Variants in APC observed in about 807,000 individuals in gnomAD.
The protein encoded by APC is APC regulator of Wnt signaling pathway, also known as adenomatous polyposis coli protein.
Under a neutral mutation model 247.0 loss-of-function variants are expected in APC, and 72 were observed. The ratio of observed to expected loss-of-function variants is 0.29; its 90% CI spans 0.24 to 0.35. APC has a LOEUF of 0.35. Ranked by LOEUF, APC falls within the 10% of genes least tolerant of loss-of-function variation. The pLI, the probability that APC is intolerant of heterozygous loss-of-function variation, is 1.00. For synonymous variants in APC, 1,254 were observed against 1,162.5 expected, an observed-to-expected ratio of 1.08 and a Z score of -1.60; for missense variants, 3,400 against 3,360.7, an observed-to-expected ratio of 1.01 and a Z score of -0.29.
chr5:112,769,640 T>C (rs547529575), intron 4 of APC, among the ~76,000 whole-genome samples: 6 of 152,316 alleles, frequency 3.9e-5, no homozygotes, highest in Non-Finnish European at 7.4e-5. Context: ...AAGCTTCATA[T>C]TATCTCTGTG....
chr5:112,778,077 C>T, intron 5 of APC: 1 of 207,854 alleles, frequency 4.8e-6, no homozygotes, highest in Non-Finnish European at 1.0e-5. Flanking sequence ...CACTACACGT[C>T]AGTCTAGTAC....
chr5:112,782,985 G>T (rs1277377123), intron 6 of APC, among the ~76,000 whole-genome samples: 1 of 151,924 alleles, frequency 6.6e-6, no homozygotes, highest in Non-Finnish European at 1.5e-5. Flanking sequence ...AGGTTTATTT[G>T]TTTCAAAAAA....
At chr5:112,748,838 G>T (rs1001807566) in intron 1 of APC, among the ~76,000 whole-genome samples, 2 of 151,952 alleles carry the variant, frequency 1.3e-5, no homozygotes, top group African/African-American at 4.8e-5. Flanking sequence ...AAAGAATGAG[G>T]TTTACAAAAT....
At position 112,838,005 on chromosome 5, in the gene APC, A is replaced by G. The variant is rs775727621; in HGVS notation, c.2411A>G (p.Asn804Ser). Residue 804 changes from asparagine to serine, a missense_variant, in exon 16 of 16, where the codon AAT becomes AGT. By Grantham distance (46) the Asn-to-Ser change is conservative. Transcript: ENST00000257430. ...SLYGDYVFDT[N>S]RHDDNRSDNF... ...TATGGTGATTATGTTTTTGACACCA[A>G]TCGACATGATGATAATAGGTCAGAC... is the stretch of plus-strand genomic sequence containing the variant. 4.3e-6 allele frequency: 7 copies of G among 1,614,052 alleles called. No homozygotes were observed. Among genetic ancestry groups the G allele is most frequent in the Admixed American group, 1.7e-5 (1 of 60,010 alleles).
In APC at chr5:112,815,585, G is replaced by C. The variant is rs786204118; in HGVS notation, c.925G>C (p.Gly309Arg). The change falls in exon 9 of 16, where the codon GGA becomes CGA. Residue 309 changes from glycine to arginine, a missense_variant. Physicochemically the swap from Gly to Arg is moderately radical, Grantham distance 125. Around this residue, in one of 9 missense-constraint regions of APC, gnomAD observed 372 missense variants for 367.6 expected, o/e 1.01. Transcript: ENST00000257430. ...SAPRRLTSHL[G>R]TKVEMVYSLL... The stretch of plus-strand genomic sequence containing the variant: ...ACCTCGAAGGCTGACAAGTCATCTG[G>C]GAACCAAGGTAACAGAAGATTACAA... 6.2e-7 allele frequency: 1 copy of C among 1,610,230 alleles called. No individual in the cohort carries two copies. The highest frequency in any genetic ancestry group is 8.5e-7 in the Non-Finnish European group (1 of 1,177,390).
At chr5:112,819,370 A>G in intron 10 of APC, 26 bp downstream of exon 10, 1 of 1,613,880 alleles carries the variant, frequency 6.2e-7, no homozygotes, top group Non-Finnish European at 8.5e-7. Context: ...TGTACATCGT[A>G]GTGCATGTTT....
At chr5:112,746,000 A>G (rs1009990104) in intron 1 of APC, among the ~76,000 whole-genome samples, 1 of 152,236 alleles carries the variant, frequency 6.6e-6, no homozygotes, top group African/African-American at 2.4e-5. Flanking sequence ...GTAAACACCA[A>G]TAAAATAAAT....
intron 8 of APC, among the ~76,000 whole-genome samples, chr5:112,806,193 A>G (rs1052938105): frequency 6.6e-6 from 1 of 152,256 alleles, no homozygotes; most frequent in African/African-American, 2.4e-5. Flanking sequence ...TCTCACTACC[A>G]TAGGCTGTCA....
Position 112,839,984 on chromosome 5 carries a change from G to C in APC, c.4390G>C (p.Glu1464Gln), listed in dbSNP as rs2149913545. ...KNKAPTAEKR[E>Q]SGPKQAAVNA... The stretch of plus-strand genomic sequence containing the variant: ...TAAAGCACCTACTGCTGAAAAGAGA[G>C]AGAGTGGACCTAAGCAAGCTGCAGT... The change falls in exon 16 of 16, where the codon GAG becomes CAG. Residue 1464 changes from glutamate to glutamine, a missense_variant. Glu to Gln is a conservative substitution (Grantham distance 29, BLOSUM62 2). This residue lies in a region of APC where 1,788 missense variants were observed against 1,649.5 expected (regional missense o/e 1.08). Coordinates refer to ENST00000257430, the MANE Select transcript of APC (RefSeq NM_000038.6). The surrounding 1 kb of genome is among the most constrained non-coding windows in gnomAD (Gnocchi z 5.0). The C allele has an allele frequency of 6.2e-7, 1 of 1,614,152 alleles. No homozygotes were observed. Among genetic ancestry groups the C allele is most frequent in the Non-Finnish European group, 8.5e-7 (1 of 1,180,032 alleles).
At chr5:112,749,753 G>T (rs929931841) in intron 1 of APC, among the ~76,000 whole-genome samples, 7 of 151,858 alleles carry the variant, frequency 4.6e-5, no homozygotes, top group Non-Finnish European at 1.0e-4. Context: ...CCAAAGTGCT[G>T]GGATTACAGG....
chr5:112,827,876 C>T (rs2149812761), intron 12 of APC, 53 bp from the exon 13 acceptor site: 1 of 1,470,760 alleles, frequency 6.8e-7, no homozygotes, highest in East Asian at 2.3e-5. Flanking sequence ...AAAAATAAAG[C>T]TTGGCTTCAA....
chr5:112,709,316 A>T (rs534865990), intron 1 of APC, among the ~76,000 whole-genome samples: 1 of 152,202 alleles, frequency 6.6e-6, no homozygotes, highest in African/African-American at 2.4e-5. Flanking sequence ...TGGACTTTTG[A>T]CCTTTTAATG....
chr5:112,792,014 G>A (rs1326790703), intron 6 of APC, among the ~76,000 whole-genome samples: 3 of 152,128 alleles, frequency 2.0e-5, no homozygotes, highest in Admixed American at 6.5e-5. Flanking sequence ...TTGGGAAGCC[G>A]AGGCAGGCGG....
chr5:112,766,245 T>C (rs962493326), intron 2 of APC, 81 bp from the exon 3 acceptor site: 2 of 1,016,896 alleles, frequency 2.0e-6, no homozygotes, highest in Non-Finnish European at 3.1e-6. Flanking sequence ...TTTCTCAGCA[T>C]ACTTAAATGT....
At chr5:112,711,354 G>A (rs1750834576) in intron 1 of APC, among the ~76,000 whole-genome samples, 1 of 152,188 alleles carries the variant, frequency 6.6e-6, no homozygotes, top group African/African-American at 2.4e-5. Context: ...CTGTCCCATG[G>A]AAAAATTGTC....
intron 1 of APC, among the ~76,000 whole-genome samples, chr5:112,753,647 G>T (rs1754632652): frequency 1.3e-5 from 2 of 152,020 alleles, no homozygotes; most frequent in South Asian, 4.2e-4. Flanking sequence ...ATTGTACCAG[G>T]TTTACTGTAG....
At chr5:112,741,920 G>A (rs568586722) in intron 1 of APC, among the ~76,000 whole-genome samples, 2 of 151,930 alleles carry the variant, frequency 1.3e-5, no homozygotes, top group South Asian at 2.1e-4. Flanking sequence ...ATAATGTCTC[G>A]AAGGTTCATC....
intron 8 of APC, among the ~76,000 whole-genome samples, chr5:112,807,028 G>A (rs1431306960): frequency 6.6e-6 from 1 of 151,930 alleles, no homozygotes; most frequent in Non-Finnish European, 1.5e-5. Context: ...AGCTACTTGG[G>A]AGGCTGAGGC....
At chr5:112,817,033 TA>T (rs1762583855) in intron 9 of APC, among the ~76,000 whole-genome samples, 2 of 151,584 alleles carry the variant, frequency 1.3e-5, no homozygotes, top group South Asian at 4.2e-4. Context: ...CATGCCCGGC[TA>T]ATTTTTTGTA....
Sources: gnomAD v4.1 joint callset for allele counts (sites outside exome capture counted in the v4.1 genomes callset) on GRCh38, gnomAD v4.1.1 for gene constraint, gnomAD v4.1.1 regional missense constraint, Gnocchi (gnomAD v3.1) non-coding constraint, MANE v1.5 for transcripts, NCBI Gene and HGNC (gene_info 2026-07-23, HGNC 2026-07-21) for gene names.